The following TCF4 variants were observed in gnomAD, a reference collection of about 807,000 sequenced individuals.
The protein encoded by TCF4 is transcription factor 4.
A neutral mutation model predicts 82.1 loss-of-function variants in TCF4; 3 were observed. That is an observed-to-expected ratio of 0.04 (90% CI 0.02 to 0.09). The LOEUF (loss-of-function observed/expected upper bound fraction) is 0.09. Ranked by LOEUF, TCF4 falls within the 10% of genes least tolerant of loss-of-function variation. The pLI is 1.00. For missense variants in TCF4, 518 were observed against 852.7 expected (o/e 0.61, Z 4.89); for synonymous variants, 276 against 309.6 (o/e 0.89, Z 1.14).
chr18:55,259,879 T>A, intron 13 of TCF4, 70 bp downstream of exon 13: 1 of 1,343,938 alleles, frequency 7.4e-7, no homozygotes, highest in South Asian at 1.2e-5. Flanking sequence ...ACCTACAAAA[T>A]CAGGAAGTAC....
intron 3 of TCF4, among the ~76,000 whole-genome samples, chr18:55,466,028 A>G (rs1167493832): frequency 6.6e-6 from 1 of 152,232 alleles, no homozygotes; most frequent in Admixed American, 6.5e-5. Flanking sequence ...TGGAGGAAAG[A>G]GGACGCTACT....
chr18:55,315,961 T>C (rs1030175419), intron 8 of TCF4, among the ~76,000 whole-genome samples: 24 of 152,090 alleles, frequency 1.6e-4, no homozygotes, highest in African/African-American at 5.8e-4. Flanking sequence ...ATCAATAATG[T>C]TTATCATATA....
intron 8 of TCF4, among the ~76,000 whole-genome samples, chr18:55,297,505 C>T (rs959595467): frequency 1.2e-4 from 19 of 152,196 alleles, no homozygotes; most frequent in Admixed American, 1.2e-3. Flanking sequence ...CATTCTGTAA[C>T]GTGCTGTCAG....
chr18:55,466,330 T>A (rs2096017118), intron 3 of TCF4, among the ~76,000 whole-genome samples: 1 of 152,108 alleles, frequency 6.6e-6, no homozygotes, highest in Admixed American at 6.6e-5. Context: ...ATTCTGTCGC[T>A]ACAAAAATTT....
chr18:55,548,555 A>G (rs2097227087), intron 3 of TCF4, among the ~76,000 whole-genome samples: 1 of 152,174 alleles, frequency 6.6e-6, no homozygotes, highest in Admixed American at 6.5e-5. Flanking sequence ...TAAATTAGTT[A>G]TGTGTTACTT....
At chr18:55,631,331 G>A in exon 2 of TCF4, 1 of 1,546,392 alleles carries the variant, frequency 6.5e-7, no homozygotes, top group Non-Finnish European at 8.7e-7. Context: ...TTACAGGTGT[G>A]AGCCACCATG....
In TCF4 at chr18:55,257,327, G is replaced by C; in HGVS notation, c.1134C>G (p.Pro378=). The C allele has an allele frequency of 1.9e-6, 3 of 1,613,704 alleles. No homozygotes were observed. The highest frequency in any genetic ancestry group is 2.5e-6 in the Non-Finnish European group (3 of 1,179,694). Residue 378 remains proline, a synonymous_variant, in exon 14 of 20, where the codon CCC becomes CCG. Coordinates refer to ENST00000354452, the MANE Select transcript of TCF4 (RefSeq NM_001083962.2). ...AAATGAGACATACCAAAGAGTGTAAGGGTCCTTCATAATTAGGAGACGATG... is the reference window on the plus strand; with the variant it reads ...AAATGAGACATACCAAAGAGTGTAACGGTCCTTCATAATTAGGAGACGATG... ...QASSSPNYEG[P]LHSLQSRIED... is the part of the protein sequence containing the mutation.
intron 8 of TCF4, among the ~76,000 whole-genome samples, chr18:55,338,706 C>T (rs561987896): frequency 6.6e-6 from 1 of 152,098 alleles, no homozygotes; most frequent in African/African-American, 2.4e-5. Context: ...TTCTCCCCCC[C>T]ACAACAAATT....
intron 6 of TCF4, among the ~76,000 whole-genome samples, chr18:55,367,573 C>A (rs2087562558): frequency 6.6e-6 from 1 of 152,180 alleles, no homozygotes; most frequent in South Asian, 2.1e-4. Context: ...TAATTTCTTC[C>A]ATAAACATTC....
chr18:55,297,271 A>T (rs1412358099), intron 8 of TCF4, among the ~76,000 whole-genome samples: 1 of 136,194 alleles, frequency 7.3e-6, no homozygotes, highest in Non-Finnish European at 1.5e-5. Flanking sequence ...TTTTTTCCTC[A>T]AAGGTTCAAA....
intron 6 of TCF4, among the ~76,000 whole-genome samples, chr18:55,374,490 A>AT (rs2090212174): frequency 2.0e-5 from 3 of 152,160 alleles, no homozygotes; most frequent in Non-Finnish European, 4.4e-5. Context: ...AGTATGTATA[A>AT]TTTTATGTAG....
intron 3 of TCF4, among the ~76,000 whole-genome samples, chr18:55,506,212 T>G (rs1402393524): frequency 6.6e-6 from 1 of 152,180 alleles, no homozygotes. Context: ...TGACCTGCAG[T>G]GGAAATCAAA....
At chr18:55,577,535 A>G (rs2097541313) in intron 3 of TCF4, among the ~76,000 whole-genome samples, 1 of 152,096 alleles carries the variant, frequency 6.6e-6, no homozygotes. Flanking sequence ...CATGTTTTTC[A>G]TGGCTTGCTC....
chr18:55,507,351 G>A (rs908513789), intron 3 of TCF4, among the ~76,000 whole-genome samples: 1 of 152,188 alleles, frequency 6.6e-6, no homozygotes, highest in African/African-American at 2.4e-5. Context: ...TGACTTATAG[G>A]CAGGGAGTGT....
intron 6 of TCF4, among the ~76,000 whole-genome samples, chr18:55,360,568 T>C (rs1015705370): frequency 2.0e-5 from 3 of 152,170 alleles, no homozygotes; most frequent in Non-Finnish European, 2.9e-5. Flanking sequence ...TTGCTGGCCA[T>C]GTGGTCTCTG....
At chr18:55,419,728 C>T (rs781138170) in intron 5 of TCF4, among the ~76,000 whole-genome samples, 28 of 152,130 alleles carry the variant, frequency 1.8e-4, no homozygotes, top group African/African-American at 6.5e-4. Context: ...TGCTTTGATA[C>T]GCAAATGTTC....
chr18:55,239,814 C>T (rs2144894217), intron 15 of TCF4, among the ~76,000 whole-genome samples: 1 of 152,314 alleles, frequency 6.6e-6, no homozygotes, highest in Non-Finnish European at 1.5e-5. Flanking sequence ...TATCCTCTAG[C>T]TAACAACAAA....
chr18:55,562,594 G>A (rs2097364568), intron 3 of TCF4, among the ~76,000 whole-genome samples: 1 of 152,050 alleles, frequency 6.6e-6, no homozygotes. Context: ...TGACTTCCTT[G>A]TACCCTCTGG....
At chr18:55,245,690 G>A (rs1443312434) in intron 15 of TCF4, among the ~76,000 whole-genome samples, 1 of 152,046 alleles carries the variant, frequency 6.6e-6, no homozygotes, top group Non-Finnish European at 1.5e-5. Flanking sequence ...GCTCTGAAAC[G>A]CCTTTTCTAT....
Sources: gnomAD v4.1 joint callset for allele counts (sites outside exome capture counted in the v4.1 genomes callset) on GRCh38, gnomAD v4.1.1 for gene constraint, MANE v1.5 for transcripts, NCBI Gene and HGNC (gene_info 2026-07-23, HGNC 2026-07-21) for gene names.